Variants in TMEM163 observed in about 807,000 individuals in gnomAD.
TMEM163 encodes transmembrane protein 163.
TMEM163 carries 17 observed loss-of-function variants against 29.3 expected under a neutral mutation model. The observed-to-expected ratio is 0.58, with a 90% confidence interval of 0.40 to 0.87. The LOEUF is 0.87. TMEM163 is among the 40% of genes least tolerant of loss of function. The probability of loss-of-function intolerance (pLI) is 0.00; values close to 1 mark genes in which losing one functional copy is unlikely to be tolerated. For synonymous variants in TMEM163, 157 were observed against 160.6 expected (o/e 0.98, Z 0.17); for missense variants, 303 against 381.5 (o/e 0.79, Z 1.71).
intron 4 of TMEM163, among the ~76,000 whole-genome samples, chr2:134,534,298 T>C (rs904812333): frequency 3.3e-5 from 5 of 151,832 alleles, no homozygotes; most frequent in Non-Finnish European, 5.9e-5. Flanking sequence ...CCTTCTCACA[T>C]AGGAAACAAA....
intron 2 of TMEM163, among the ~76,000 whole-genome samples, chr2:134,632,869 A>G (rs1682998873): frequency 6.8e-6 from 1 of 147,858 alleles, no homozygotes. Context: ...CAGCCTCCGG[A>G]GTAGCTGGGA....
At chr2:134,599,772 A>G (rs1249198205) in intron 2 of TMEM163, among the ~76,000 whole-genome samples, 3 of 151,312 alleles carry the variant, frequency 2.0e-5, no homozygotes, top group Non-Finnish European at 2.9e-5. Context: ...GGCTCAAGCA[A>G]TCCACCCACC....
At chr2:134,601,645 C>T (rs1349407164) in intron 2 of TMEM163, among the ~76,000 whole-genome samples, 1 of 152,188 alleles carries the variant, frequency 6.6e-6, no homozygotes, top group Admixed American at 6.5e-5. Context: ...TTCACAAATG[C>T]TTATGGAGTG....
chr2:134,564,381 G>A (rs1003849244), intron 2 of TMEM163, among the ~76,000 whole-genome samples: 3 of 152,162 alleles, frequency 2.0e-5, no homozygotes, highest in Non-Finnish European at 4.4e-5. Context: ...AGAGAAAACT[G>A]TCGATGAGCT....
chr2:134,649,772 G>C (rs1008041954), intron 2 of TMEM163, among the ~76,000 whole-genome samples: 7 of 152,000 alleles, frequency 4.6e-5, no homozygotes. Context: ...CCAGAATTTT[G>C]GGAGGCTGAA....
intron 4 of TMEM163, among the ~76,000 whole-genome samples, chr2:134,541,100 C>G (rs780176402): frequency 5.3e-5 from 8 of 152,230 alleles, no homozygotes; most frequent in Non-Finnish European, 1.2e-4. Context: ...AAAGCAGGAA[C>G]TACCTGGTCA....
At chr2:134,667,993 T>C (rs904286216) in intron 2 of TMEM163, among the ~76,000 whole-genome samples, 8 of 152,138 alleles carry the variant, frequency 5.3e-5, no homozygotes, top group Non-Finnish European at 8.8e-5. Flanking sequence ...GGAGATCGGA[T>C]CTGCTGATCC....
chr2:134,500,783 T>C (rs1298062737), intron 5 of TMEM163, among the ~76,000 whole-genome samples: 1 of 151,752 alleles, frequency 6.6e-6, no homozygotes, highest in Non-Finnish European at 1.5e-5. Context: ...GGTGATTGTG[T>C]AAGAGTAAAA....
chr2:134,477,511 T>C (rs1000918679), intron 5 of TMEM163, among the ~76,000 whole-genome samples: 4 of 152,164 alleles, frequency 2.6e-5, no homozygotes, highest in African/African-American at 9.7e-5. Context: ...CCATGTGGAA[T>C]GGGAAATTTC....
At position 134,492,506 on chromosome 2, in the gene TMEM163, C is replaced by T. The variant is rs961340092; in HGVS notation, c.555+10395G>A. On this transcript the variant is annotated intron_variant, in intron 5 of 7. Coordinates refer to ENST00000281924, the MANE Select transcript of TMEM163 (RefSeq NM_030923.5). ...GTTTTCCCATGATTCTTTAATAATT[C>T]CTCCCTCCCTCCACCTCTAGCCTCA... Among the ~76,000 whole-genome samples the T allele has an allele frequency of 3.9e-5, 6 of 152,094 alleles. 1 individual carries two copies. Among genetic ancestry groups the T allele is most frequent in the Non-Finnish European group, 1.5e-5 (1 of 68,034 alleles).
chr2:134,617,878 A>G (rs1682642623), intron 2 of TMEM163, among the ~76,000 whole-genome samples: 1 of 152,198 alleles, frequency 6.6e-6, no homozygotes, highest in East Asian at 1.9e-4. Flanking sequence ...TGGGAGGCCA[A>G]GGTGGGAGGG....
At position 134,718,857 on chromosome 2, in the gene TMEM163, G is replaced by A; in HGVS notation, c.79C>T (p.Pro27Ser). ...VPPPPRGHAPPAAAPGPAPLS... is the reference protein window; with the variant it reads ...VPPPPRGHAPSAAAPGPAPLS... The stretch of plus-strand genomic sequence containing the variant: ...GGGGCCGGGCCGGGGGCGGCAGCCG[G>A]TGGCGCGTGGCCCCGGGGCGGCGGC... The change falls in exon 1 of 8, where the codon CCG (proline) becomes TCG (serine). Residue 27 changes from proline to serine, a missense_variant. By Grantham distance (74) the Pro-to-Ser change is moderately conservative. This residue lies in a region of TMEM163 where 100 missense variants were observed against 87.2 expected (regional missense o/e 1.15). Transcript: ENST00000281924. The A allele has an allele frequency of 9.0e-7, 1 of 1,114,214 alleles. No homozygotes were observed. Among genetic ancestry groups the A allele is most frequent in the Non-Finnish European group, 1.1e-6 (1 of 913,708 alleles). 69.0% of individuals were successfully genotyped at this position (1,114,214 alleles called of 1,614,324 possible). A position where few individuals can be genotyped will look rare whatever the true frequency, so the allele number is the denominator to read the frequency against.
At chr2:134,612,700 T>C (rs945672334) in intron 2 of TMEM163, among the ~76,000 whole-genome samples, 2 of 152,078 alleles carry the variant, frequency 1.3e-5, no homozygotes, top group Non-Finnish European at 2.9e-5. Flanking sequence ...ATAGGAAATA[T>C]AGATGTTGCA....
chr2:134,679,232 G>T (rs896642990), intron 2 of TMEM163, among the ~76,000 whole-genome samples: 1 of 152,220 alleles, frequency 6.6e-6, no homozygotes, highest in Admixed American at 6.5e-5. Flanking sequence ...AACAATCAGC[G>T]GAGCCATGCT....
At position 134,457,712 on chromosome 2, in the gene TMEM163, G is replaced by A. The variant is rs548120619; in HGVS notation, c.809+320C>T. Among the ~76,000 whole-genome samples the A allele has an allele frequency of 2.0e-4, 30 of 152,348 alleles. No homozygotes were observed. The East Asian group carries it at 5.4e-3, about 27-fold the overall frequency. ...AACCACGCAAAGGTGCTTCCCTGGG[G>A]CATCATGAAGACTGTCAGAGAGGAA... On this transcript the variant is annotated intron_variant, in intron 7 of 7. Transcript: ENST00000281924.
At chr2:134,674,461 A>C (rs560569889) in intron 2 of TMEM163, among the ~76,000 whole-genome samples, 1 of 145,032 alleles carries the variant, frequency 6.9e-6, no homozygotes, top group Non-Finnish European at 1.5e-5. Flanking sequence ...CCCCTGCCTC[A>C]GCCTCCCAAG....
At chr2:134,706,421 G>T (rs545041591) in intron 2 of TMEM163, among the ~76,000 whole-genome samples, 3 of 152,130 alleles carry the variant, frequency 2.0e-5, no homozygotes, top group Non-Finnish European at 2.9e-5. Context: ...TGACAACACC[G>T]CCTGAAGAAG....
intron 5 of TMEM163, among the ~76,000 whole-genome samples, chr2:134,471,577 C>G (rs761213827): frequency 1.3e-5 from 2 of 152,148 alleles, no homozygotes; most frequent in African/African-American, 2.4e-5. Context: ...GTCTTTGGCA[C>G]CCCAAGCTAA....
At chr2:134,531,437 A>G (rs1680414847) in intron 4 of TMEM163, among the ~76,000 whole-genome samples, 1 of 152,188 alleles carries the variant, frequency 6.6e-6, no homozygotes, top group Non-Finnish European at 1.5e-5. Flanking sequence ...AGATCCCACA[A>G]GGTGAGGGCT....
Sources: gnomAD v4.1 joint callset for allele counts (sites outside exome capture counted in the v4.1 genomes callset) on GRCh38, gnomAD v4.1.1 for gene constraint, gnomAD v4.1.1 regional missense constraint, MANE v1.5 for transcripts, NCBI Gene and HGNC (gene_info 2026-07-23, HGNC 2026-07-21) for gene names.